Variants in TG observed in about 807,000 individuals in gnomAD.
The protein encoded by TG is thyroid hormones.
A neutral mutation model predicts 324.7 loss-of-function variants in TG; 270 were observed. The observed-to-expected ratio is 0.83, with a 90% CI of 0.75 to 0.92. The LOEUF (loss-of-function observed/expected upper bound fraction) is 0.92. Ranked by LOEUF, TG falls within the 40% of genes least tolerant of loss-of-function variation. The pLI is 0.00. For synonymous variants in TG, 1,401 were observed against 1,327.0 expected (o/e 1.06, Z -1.21); for missense variants, 3,591 against 3,456.4 (o/e 1.04, Z -0.98).
chr8:133,017,025 A>C (rs189581831), intron 37 of TG, among the ~76,000 whole-genome samples: 5 of 152,216 alleles, frequency 3.3e-5, no homozygotes, highest in Non-Finnish European at 5.9e-5. Flanking sequence ...ACCCAGGGCA[A>C]CCTTGGCGCA....
chr8:133,100,330 C>A (rs1291581452), intron 43 of TG, among the ~76,000 whole-genome samples: 2 of 152,216 alleles, frequency 1.3e-5, no homozygotes, highest in East Asian at 1.9e-4. Flanking sequence ...CTACACCCTA[C>A]CCCAGCACTC....
chr8:132,917,039 CTCCCTCCTTCCTTCCTTCCT>C (rs1820416177), intron 20 of TG, among the ~76,000 whole-genome samples: 2 of 58,048 alleles, frequency 3.4e-5, no homozygotes, highest in African/African-American at 9.9e-5. Context: ...CCCTCCCTCC[CTCCCTCCTTCCTTCCTTCCT>C]TCCTTCCTTC....
chr8:133,033,888 T>A (rs929269000), intron 41 of TG, among the ~76,000 whole-genome samples: 1 of 152,270 alleles, frequency 6.6e-6, no homozygotes, highest in Non-Finnish European at 1.5e-5. Context: ...CCAATTCTAC[T>A]ATGACTAGGT....
intron 35 of TG, among the ~76,000 whole-genome samples, chr8:132,990,888 C>T (rs1252002170): frequency 1.3e-5 from 2 of 149,690 alleles, no homozygotes; most frequent in African/African-American, 4.9e-5. Context: ...GAATCATACT[C>T]TGAGATGAAG....
chr8:133,012,910 C>T (rs1002733234), intron 36 of TG, among the ~76,000 whole-genome samples: 4 of 152,298 alleles, frequency 2.6e-5, no homozygotes, highest in Non-Finnish European at 5.9e-5. Context: ...TTTAAGTTGT[C>T]TAGTGCAGAA....
At chr8:132,959,807 G>T (rs1587581102) in intron 27 of TG, among the ~76,000 whole-genome samples, 1 of 152,170 alleles carries the variant, frequency 6.6e-6, no homozygotes, top group Non-Finnish European at 1.5e-5. Context: ...TATAAGGAAG[G>T]TTTTTGTGCA....
At chr8:132,969,803 A>G (rs1829220580) in intron 32 of TG, among the ~76,000 whole-genome samples, 1 of 151,278 alleles carries the variant, frequency 6.6e-6, no homozygotes, top group African/African-American at 2.4e-5. Flanking sequence ...AGTCCCAGTT[A>G]CTCAGGAGGC....
intron 23 of TG, 39 bp from the exon 24 acceptor site, chr8:132,933,522 G>T: frequency 6.3e-7 from 1 of 1,596,438 alleles, no homozygotes; most frequent in Non-Finnish European, 8.6e-7. Context: ...AGCATCCCCC[G>T]GGAAAGCCAG....
rs532697175 is a variant in TG at position 133,013,361 on chromosome 8, T to A, written c.6398-239T>A. Among the ~76,000 whole-genome samples, 6 of 145,876 alleles carry A rather than the reference T, an allele frequency of 4.1e-5. 1 individual carries two copies. The highest frequency in any genetic ancestry group is 3.8e-3 in the Middle Eastern group (1 of 262). On this transcript the variant is annotated intron_variant, in intron 36 of 47. Transcript: ENST00000220616. ...TGAGTGGTTGGGTGGATGGATGGATTGATGGATTCATGGATACATGATTTG... is the reference window on the plus strand; with the variant it reads ...TGAGTGGTTGGGTGGATGGATGGATAGATGGATTCATGGATACATGATTTG...
intron 41 of TG, among the ~76,000 whole-genome samples, chr8:133,076,961 T>C (rs563381661): frequency 6.6e-6 from 1 of 152,150 alleles, no homozygotes; most frequent in East Asian, 1.9e-4. Flanking sequence ...AGGAGTCCTA[T>C]GGGAAAGACT....
chr8:132,972,481 G>A (rs904023706), intron 33 of TG, 117 bp from the exon 34 acceptor site: 1 of 1,179,786 alleles, frequency 8.5e-7, no homozygotes, highest in African/African-American at 1.6e-5. Flanking sequence ...AAATATAGTG[G>A]TGTATCCCAA....
intron 34 of TG, 44 bp from the exon 35 acceptor site, chr8:132,983,306 C>T: frequency 6.3e-7 from 1 of 1,595,562 alleles, no homozygotes; most frequent in Non-Finnish European, 8.6e-7. Flanking sequence ...TCGATGATAC[C>T]ATGGGGGTAG....
intron 20 of TG, among the ~76,000 whole-genome samples, chr8:132,916,748 G>A (rs2132422135): frequency 6.6e-6 from 1 of 152,274 alleles, no homozygotes; most frequent in South Asian, 2.1e-4. Flanking sequence ...CCAGCCATAT[G>A]GCTTCTCCTT....
intron 41 of TG, among the ~76,000 whole-genome samples, chr8:133,073,543 A>G (rs1192903646): frequency 6.6e-6 from 1 of 152,138 alleles, no homozygotes; most frequent in African/African-American, 2.4e-5. Flanking sequence ...TGTATTAAAT[A>G]GCATTCTTCT....
At chr8:132,877,129 CTTATTTTATT>C (rs75415252) in intron 5 of TG, among the ~76,000 whole-genome samples, 3 of 150,640 alleles carry the variant, frequency 2.0e-5, no homozygotes, top group Non-Finnish European at 2.9e-5. Flanking sequence ...ACGGCCCCCT[CTTATTTTATT>C]TTATTTTATT....
intron 21 of TG, 50 bp from the exon 22 acceptor site, chr8:132,923,288 G>A (rs371853121): frequency 5.9e-5 from 95 of 1,604,044 alleles, no homozygotes; most frequent in Non-Finnish European, 7.5e-5. Flanking sequence ...TAGGAGTCAG[G>A]GGATTCCAGA....
intron 41 of TG, among the ~76,000 whole-genome samples, chr8:133,061,729 G>A (rs374409634): frequency 2.0e-5 from 3 of 152,110 alleles, no homozygotes; most frequent in African/African-American, 7.2e-5. Context: ...ACCTTATGAA[G>A]GGCACAAAAG....
At chr8:132,976,864 CAG>C (rs2130613057) in intron 34 of TG, among the ~76,000 whole-genome samples, 1 of 152,240 alleles carries the variant, frequency 6.6e-6, no homozygotes, top group Non-Finnish European at 1.5e-5. Flanking sequence ...CTTCATCAAA[CAG>C]AAGTGGGTGG....
intron 35 of TG, among the ~76,000 whole-genome samples, chr8:132,990,144 G>C (rs1213160565): frequency 7.3e-6 from 1 of 137,446 alleles, no homozygotes; most frequent in Non-Finnish European, 1.6e-5. Flanking sequence ...ACCAGTTAAA[G>C]CTGAGCTATA....
Sources: allele counts gnomAD v4.1 joint callset (sites outside exome capture counted in the v4.1 genomes callset), GRCh38; gene constraint gnomAD v4.1.1; transcripts MANE v1.5; gene names NCBI Gene and HGNC (gene_info 2026-07-23, HGNC 2026-07-21).